UQCRC2: variants seen among roughly 807,000 people sequenced by gnomAD.
UQCRC2 encodes cytochrome b-c1 complex subunit 2, mitochondrial.
In UQCRC2, 49 loss-of-function variants were observed where a neutral mutation model predicts 55.6. The observed-to-expected ratio is 0.88, with a 90% CI of 0.70 to 1.12. The LOEUF (loss-of-function observed/expected upper bound fraction) is 1.12, where lower values mean the gene tolerates loss of function less well. Ranked by LOEUF, UQCRC2 falls within the 50% of genes most tolerant of loss-of-function variation. UQCRC2 has a pLI of 0.00. For missense variants in UQCRC2, 506 were observed against 547.8 expected (o/e 0.92, Z 0.76); for synonymous variants, 193 against 192.0 (o/e 1.01, Z -0.04).
intron 8 of UQCRC2, among the ~76,000 whole-genome samples, chr16:21,971,111 C>G (rs1188720158): frequency 1.3e-5 from 2 of 152,056 alleles, no homozygotes; most frequent in East Asian, 1.9e-4. Flanking sequence ...TAGAAACATG[C>G]TAGCGTCCAT....
At chr16:21,963,191 T>C in intron 6 of UQCRC2, 1 of 199,726 alleles carries the variant, frequency 5.0e-6, no homozygotes, top group Non-Finnish European at 1.0e-5. Flanking sequence ...GGTTTTGCCA[T>C]GTTGGTCAGA....
rs750879559 is a variant in UQCRC2 at position 21,957,554 on chromosome 16, T to C, written c.255T>C (p.Leu85=). 3 of 1,614,030 alleles carry C rather than the reference T, an allele frequency of 1.9e-6. No individual in the cohort carries two copies. The highest frequency in any genetic ancestry group is 1.7e-5 in the Admixed American group (1 of 59,990). Residue 85 remains leucine (L), a synonymous_variant, in exon 3 of 14, where the codon CTT becomes CTC. Transcript: ENST00000268379. ...TAGGAACCACCCATTTGCTGCGTCT[T>C]ACATCCAGTCTGGTGAGTATCTTCA... is the stretch of plus-strand genomic sequence containing the variant. ...SNLGTTHLLR[L]TSSLTTKGAS...
At chr16:21,957,659 A>G (rs1898111404) in intron 3 of UQCRC2, 93 bp downstream of exon 3, 2 of 1,490,026 alleles carry the variant, frequency 1.3e-6, no homozygotes, top group East Asian at 4.7e-5. Flanking sequence ...TTATATTTTG[A>G]TTCCTTGACC....
At chr16:21,956,101 A>G (rs1898082344) in intron 1 of UQCRC2, among the ~76,000 whole-genome samples, 1 of 152,228 alleles carries the variant, frequency 6.6e-6, no homozygotes, top group Admixed American at 6.5e-5. Flanking sequence ...CTGGGATTAC[A>G]GGCGTGAGCC....
chr16:21,964,649 G>A (rs145114764), intron 6 of UQCRC2, among the ~76,000 whole-genome samples: 2 of 152,266 alleles, frequency 1.3e-5, no homozygotes, highest in African/African-American at 4.8e-5. Context: ...CATTCTGTAA[G>A]ATGGATCCCA....
At position 21,962,874 on chromosome 16, in the gene UQCRC2, A is replaced by G; in HGVS notation, c.503A>G (p.Asn168Ser). ...ATTGACAAAGCTGTGGCCTTTCAGA[A>G]TCCGCAGACTCGTAAGTACATTTCC... Reference protein sequence around the residue: ...LKIDKAVAFQNPQTHVIENLH... With the variant: ...LKIDKAVAFQSPQTHVIENLH... The change falls in exon 6 of 14, where the codon AAT becomes AGT. Residue 168 changes from asparagine (N) to serine (S), a missense_variant. Asn to Ser is a conservative substitution (Grantham distance 46). Coordinates refer to ENST00000268379, the MANE Select transcript of UQCRC2 (RefSeq NM_003366.4). The G allele has an allele frequency of 6.2e-7, 1 of 1,614,182 alleles. No individual in the cohort carries two copies. Among genetic ancestry groups the G allele is most frequent in the Non-Finnish European group, 8.5e-7 (1 of 1,180,020 alleles).
In UQCRC2 at chr16:21,957,281, C is replaced by A. The variant is rs373905701; in HGVS notation, c.80C>A (p.Ala27Glu). 8 of 1,613,818 alleles carry A rather than the reference C, an allele frequency of 5.0e-6. No individual in the cohort carries two copies. The African/African-American group carries it at 8.0e-5, about 16-fold the overall frequency. ...GCCCCCAAAGTTAAAGCCACAGCTG[C>A]GCCTGCAGGAGCACCGCCACAACCT... The part of the protein sequence containing the change: ...KVAPKVKATA[A>E]PAGAPPQPQD... Residue 27 changes from alanine (A) to glutamate (E), a missense_variant, in exon 2 of 14, where the codon GCG (alanine) becomes GAG (glutamate). Physicochemically the swap from Ala to Glu is moderately radical, Grantham distance 107 (BLOSUM62 -1). Coordinates refer to ENST00000268379, the MANE Select transcript of UQCRC2 (RefSeq NM_003366.4).
chr16:21,956,270 G>A (rs867201769), intron 1 of UQCRC2, among the ~76,000 whole-genome samples: 14 of 152,292 alleles, frequency 9.2e-5, no homozygotes, highest in Middle Eastern at 3.4e-3. Context: ...CAGGCCAGGT[G>A]TGGTGGCTCC....
chr16:21,980,715 A>C lies in UQCRC2; in HGVS notation c.1278+15A>C, dbSNP rs764008040. 6.2e-7 allele frequency: 1 copy of C among 1,612,094 alleles called. No homozygotes were observed. Among genetic ancestry groups the C allele is most frequent in the South Asian group, 1.1e-5 (1 of 90,674 alleles). ...ATATCATAAATGTAAGTAAATGAAA[A>C]CTTAACGATTTAACAACAGAGAACT... is the stretch of plus-strand genomic sequence containing the variant. On this transcript the variant is annotated intron_variant, in intron 13 of 13. Coordinates refer to ENST00000268379, the MANE Select transcript of UQCRC2 (RefSeq NM_003366.4).
At chr16:21,970,032 A>G (rs1303654097) in intron 8 of UQCRC2, among the ~76,000 whole-genome samples, 2 of 152,028 alleles carry the variant, frequency 1.3e-5, no homozygotes, top group African/African-American at 4.8e-5. Context: ...AGATTTGACT[A>G]TTCTGGACAT....
rs3208028 is a variant in UQCRC2, at chr16:21,956,459, G to T, written c.34-776G>T. Among the ~76,000 whole-genome samples, 342 of 152,118 alleles carry T rather than the reference G, an allele frequency of 2.2e-3. 1 individual carries two copies. The highest frequency in any genetic ancestry group is 8.0e-3 in the African/African-American group (331 of 41,496). On this transcript the variant is annotated intron_variant, in intron 1 of 13. Coordinates refer to ENST00000268379, the MANE Select transcript of UQCRC2 (RefSeq NM_003366.4). The stretch of plus-strand genomic sequence containing the variant: ...CTTGGGAGGCTGAGACAGGAGAATC[G>T]CTTGAATCCAGGAGGCAGACATTGC...
chr16:21,962,914 T>C, intron 6 of UQCRC2, 29 bp downstream of exon 6: 1 of 1,598,140 alleles, frequency 6.3e-7, no homozygotes, highest in East Asian at 2.2e-5. Context: ...CACATTTGAT[T>C]CTAAGATACT....
intron 12 of UQCRC2, among the ~76,000 whole-genome samples, chr16:21,979,370 G>T (rs558116287): frequency 1.3e-5 from 2 of 152,272 alleles, no homozygotes; most frequent in South Asian, 4.1e-4. Context: ...ATAACGATGG[G>T]GATACATTCT....
At chr16:21,962,207 C>T (rs1898221030) in intron 4 of UQCRC2, 2 of 477,998 alleles carry the variant, frequency 4.2e-6, no homozygotes, top group Non-Finnish European at 7.6e-6. Context: ...TTATCCTTAG[C>T]ATAATGTCCT....
Position 21,983,298 on chromosome 16 carries a change from G to C in UQCRC2, c.*127G>C. 1 of 761,678 alleles carries C rather than the reference G, an allele frequency of 1.3e-6. No individual in the cohort carries two copies. The highest frequency in any genetic ancestry group is 2.1e-6 in the Non-Finnish European group (1 of 479,488). 47.2% of individuals were successfully genotyped at this position (761,678 alleles called of 1,614,324 possible). Reference sequence around the variant, plus strand: ...CAGTGAGGTAAAATAAGGCATAAATGCAGGTAATTATTCCCAGCTGACCTA... The same window carrying C: ...CAGTGAGGTAAAATAAGGCATAAATCCAGGTAATTATTCCCAGCTGACCTA... On this transcript the variant is annotated 3_prime_UTR_variant, in exon 14 of 14. Transcript: ENST00000268379.
rs1898698935 is a variant in UQCRC2, at chr16:21,980,605, G to A, written c.1183G>A (p.Glu395Lys). The A allele has an allele frequency of 6.2e-7, 1 of 1,614,104 alleles. No individual in the cohort carries two copies. Among genetic ancestry groups the A allele is most frequent in the Non-Finnish European group, 8.5e-7 (1 of 1,180,050 alleles). The change falls in exon 13 of 14, where the codon GAA becomes AAA. Residue 395 changes from glutamate to lysine, a missense_variant. Transcript: ENST00000268379. ...GGAGTCTTCTGAGTGTTTCCTGGAA[G>A]AAGTCGGGTCCCAGGCTCTAGTTGC... is the stretch of plus-strand genomic sequence containing the variant. ...SVESSECFLE[E>K]VGSQALVAGS...
At chr16:21,968,789 C>A in intron 8 of UQCRC2, 104 bp downstream of exon 8, 1 of 1,015,780 alleles carries the variant, frequency 9.8e-7, no homozygotes, top group Non-Finnish European at 1.4e-6. Context: ...AAAACTTCGG[C>A]CTTCTATTTA....
rs1199406144 is a variant in UQCRC2, at chr16:21,970,851, GT to G, written c.671-672del. On this transcript the variant is annotated intron_variant, in intron 8 of 13. Coordinates refer to ENST00000268379, the MANE Select transcript of UQCRC2 (RefSeq NM_003366.4). Reference sequence around the variant, plus strand: ...TCCACTTGCCTCGGCCTCCCAAACTGTTGGGATTACAGATGTGAGCCACCGT... The same window carrying G: ...TCCACTTGCCTCGGCCTCCCAAACTGTGGGATTACAGATGTGAGCCACCGT... Among the ~76,000 whole-genome samples, 6 of 152,192 alleles carry G rather than the reference GT, an allele frequency of 3.9e-5. No homozygotes were observed. The East Asian group carries it at 7.7e-4, about 20-fold the overall frequency.
chr16:21,957,092 C>A, intron 1 of UQCRC2, 143 bp from the exon 2 acceptor site: 1 of 645,692 alleles, frequency 1.5e-6, no homozygotes, highest in Non-Finnish European at 2.6e-6. Context: ...AAATGTTATG[C>A]AGGTAAATCC....
Sources: allele counts gnomAD v4.1 joint callset (sites outside exome capture counted in the v4.1 genomes callset), GRCh38; gene constraint gnomAD v4.1.1; transcripts MANE v1.5; gene names NCBI Gene and HGNC (gene_info 2026-07-23, HGNC 2026-07-21).